The following VPS13B variants were observed in gnomAD, a reference collection of about 807,000 sequenced individuals.
VPS13B encodes the protein vacuolar protein sorting 13 homolog B, also known as intermembrane lipid transfer protein VPS13B.
A neutral mutation model predicts 426.4 loss-of-function variants in VPS13B; 285 were observed. The ratio of observed to expected loss-of-function variants is 0.67; its 90% CI spans 0.61 to 0.74. The LOEUF (loss-of-function observed/expected upper bound fraction) is 0.74. Ranked by LOEUF, VPS13B falls within the 30% of genes least tolerant of loss-of-function variation. The probability of loss-of-function intolerance (pLI) is 0.00; values close to 1 mark genes in which losing one functional copy is unlikely to be tolerated. For missense variants in VPS13B, 4,537 were observed against 4,782.6 expected, an observed-to-expected ratio of 0.95 and a Z score of 1.51; for synonymous variants, 1,676 against 1,676.4, an observed-to-expected ratio of 1.00 and a Z score of 0.01.
intron 35 of VPS13B, among the ~76,000 whole-genome samples, chr8:99,666,524 T>A (rs1378837478): frequency 2.0e-5 from 3 of 152,134 alleles, no homozygotes; most frequent in African/African-American, 7.2e-5. Context: ...CAATAAATGT[T>A]ATCCAGCATA....
intron 36 of VPS13B, among the ~76,000 whole-genome samples, chr8:99,716,834 T>C (rs760613967): frequency 6.6e-6 from 1 of 152,210 alleles, no homozygotes; most frequent in Non-Finnish European, 1.5e-5. Flanking sequence ...ATGTTAACAA[T>C]AGACAAATGA....
chr8:99,683,842 G>T (rs1831257549), intron 35 of VPS13B, among the ~76,000 whole-genome samples: 2 of 152,012 alleles, frequency 1.3e-5, no homozygotes, highest in African/African-American at 4.8e-5. Context: ...CTTTTATCTT[G>T]CCTTGTTGCA....
chr8:99,661,545 G>A lies in VPS13B; in HGVS notation c.6046+54G>A, dbSNP rs970381320. ...GTACATTTTTTATGTGAATATATTA[G>A]CATGTATATAGGATCTGTTAGTAAT... On this transcript the variant is annotated intron_variant, in intron 35 of 61. Transcript: ENST00000357162. 2.5e-6 allele frequency: 4 copies of A among 1,586,714 alleles called. No homozygotes were observed. In the African/African-American group the frequency reaches 5.4e-5, roughly 21 times the overall value.
At chr8:99,084,627 G>A (rs577901958) in intron 3 of VPS13B, among the ~76,000 whole-genome samples, 6 of 152,302 alleles carry the variant, frequency 3.9e-5, no homozygotes, top group Middle Eastern at 3.4e-3. Context: ...TGCTTTGAAT[G>A]TGTCCCAGAG....
intron 3 of VPS13B, among the ~76,000 whole-genome samples, chr8:99,070,034 A>G (rs1844773740): frequency 6.6e-6 from 1 of 152,154 alleles, no homozygotes; most frequent in South Asian, 2.1e-4. Flanking sequence ...CATCCCAAGT[A>G]GCTAGGGCTA....
chr8:99,531,173 C>A (rs1235239213), intron 30 of VPS13B, among the ~76,000 whole-genome samples: 2 of 152,054 alleles, frequency 1.3e-5, no homozygotes, highest in African/African-American at 2.4e-5. Flanking sequence ...TTTATAATCC[C>A]AGTGTTTGAG....
intron 35 of VPS13B, among the ~76,000 whole-genome samples, chr8:99,681,407 C>G (rs1368134155): frequency 6.6e-6 from 1 of 152,254 alleles, no homozygotes; most frequent in African/African-American, 2.4e-5. Context: ...TCAGCACTGT[C>G]TCTATGTGGT....
intron 23 of VPS13B, among the ~76,000 whole-genome samples, chr8:99,463,451 T>G (rs1041120678): frequency 1.4e-4 from 21 of 152,216 alleles, no homozygotes; most frequent in African/African-American, 4.8e-4. Context: ...TTACATTTTG[T>G]ACATGCAGTT....
chr8:99,354,869 CA>C lies in VPS13B; in HGVS notation c.2825-29333del, dbSNP rs536494002. Among the ~76,000 whole-genome samples the C allele has an allele frequency of 8.0e-3, 1,212 of 152,012 alleles. 9 individuals are homozygous for C. The highest frequency in any genetic ancestry group is 0.021 in the African/African-American group (853 of 41,444). On this transcript the variant is annotated intron_variant, in intron 19 of 61. Coordinates refer to ENST00000357162, the MANE Select transcript of VPS13B (RefSeq NM_152564.5). ...GCAAGGCCCCAGCAGTCTTTGGAGA[CA>C]AAAAATCCAGCTCTGATTCGGGCAA...
chr8:99,425,614 G>A (rs575259115), intron 21 of VPS13B, among the ~76,000 whole-genome samples: 3 of 152,252 alleles, frequency 2.0e-5, no homozygotes, highest in South Asian at 4.1e-4. Flanking sequence ...ATATCATACT[G>A]AATGGGCAAA....
At chr8:99,227,634 A>G (rs1389608335) in intron 17 of VPS13B, among the ~76,000 whole-genome samples, 1 of 151,994 alleles carries the variant, frequency 6.6e-6, no homozygotes, top group Non-Finnish European at 1.5e-5. Context: ...GTTCAGTTTT[A>G]TTTTTTTAAC....
intron 2 of VPS13B, among the ~76,000 whole-genome samples, chr8:99,017,083 A>G (rs1402888638): frequency 1.3e-5 from 2 of 149,490 alleles, no homozygotes; most frequent in African/African-American, 5.1e-5. Flanking sequence ...AAGAAATCTT[A>G]GCTTACACCA....
chr8:99,240,785 G>C (rs1816889552), intron 17 of VPS13B: 1 of 152,558 alleles, frequency 6.6e-6, no homozygotes, highest in African/African-American at 2.4e-5. Context: ...CTAGTTATTT[G>C]GTAAGACTAG....
intron 30 of VPS13B, among the ~76,000 whole-genome samples, chr8:99,545,444 A>G (rs1207531713): frequency 1.3e-5 from 2 of 152,112 alleles, no homozygotes; most frequent in African/African-American, 4.8e-5. Context: ...TGTAACTACT[A>G]CACTATGACT....
intron 37 of VPS13B, among the ~76,000 whole-genome samples, chr8:99,719,220 A>G (rs954451443): frequency 1.1e-4 from 16 of 152,248 alleles, no homozygotes; most frequent in African/African-American, 3.6e-4. Flanking sequence ...AGTGCTTAAA[A>G]ATAAAAAGTA....
chr8:99,547,121 A>T (rs1824024644), intron 30 of VPS13B, among the ~76,000 whole-genome samples: 1 of 152,022 alleles, frequency 6.6e-6, no homozygotes, highest in African/African-American at 2.4e-5. Flanking sequence ...ATCAATAGGG[A>T]TGCTAGTTTA....
chr8:99,154,324 G>A lies in VPS13B; in HGVS notation c.2014-2225G>A, dbSNP rs565495054. On this transcript the variant is annotated intron_variant, in intron 14 of 61. Coordinates refer to ENST00000357162, the MANE Select transcript of VPS13B (RefSeq NM_152564.5). ...CTTGTGGAATTCGTATTACATGTATGTTACATCTTTTATAGTTGTTCCACA... is the reference window on the plus strand; with the variant it reads ...CTTGTGGAATTCGTATTACATGTATATTACATCTTTTATAGTTGTTCCACA... Among the ~76,000 whole-genome samples, 12 of 151,764 alleles carry A rather than the reference G, an allele frequency of 7.9e-5. No homozygotes were observed. The South Asian group carries it at 2.1e-3, about 26-fold the overall frequency.
intron 19 of VPS13B, among the ~76,000 whole-genome samples, chr8:99,376,900 A>T (rs181607566): frequency 6.6e-5 from 10 of 152,212 alleles, no homozygotes; most frequent in Admixed American, 6.5e-4. Context: ...GAGTTATTTA[A>T]AAAATCAACT....
At chr8:99,453,933 T>C (rs1233073428) in intron 23 of VPS13B, among the ~76,000 whole-genome samples, 1 of 152,170 alleles carries the variant, frequency 6.6e-6, no homozygotes, top group Non-Finnish European at 1.5e-5. Flanking sequence ...TTCTGTGGAC[T>C]TGGAGAAATA....
Sources: gnomAD v4.1 joint callset for allele counts (sites outside exome capture counted in the v4.1 genomes callset) on GRCh38, gnomAD v4.1.1 for gene constraint, MANE v1.5 for transcripts, NCBI Gene and HGNC (gene_info 2026-07-23, HGNC 2026-07-21) for gene names.